CD109: variants seen among roughly 807,000 people sequenced by gnomAD.
CD109 encodes the protein CD109 molecule, also known as CD109 antigen.
In CD109, 149 loss-of-function variants were observed where a neutral mutation model predicts 165.8. The ratio of observed to expected loss-of-function variants is 0.90; its 90% confidence interval spans 0.79 to 1.03. The LOEUF is 1.03. CD109 is among the 50% of genes least tolerant of loss of function. The pLI is 0.00. For missense variants in CD109, 1,712 were observed against 1,677.8 expected (o/e 1.02, Z -0.36); for synonymous variants, 585 against 592.1 (o/e 0.99, Z 0.18).
chr6:73,717,656 G>T (rs1057321542), intron 2 of CD109, among the ~76,000 whole-genome samples: 1 of 113,140 alleles, frequency 8.8e-6, no homozygotes, highest in Non-Finnish European at 1.6e-5. Flanking sequence ...GTCTCGCTCT[G>T]TCACCCAGGC....
intron 5 of CD109, among the ~76,000 whole-genome samples, chr6:73,740,666 C>T (rs1201609201): frequency 6.8e-6 from 1 of 147,620 alleles, no homozygotes; most frequent in Non-Finnish European, 1.5e-5. Flanking sequence ...GATCTCGGCT[C>T]ACTGAAACCT....
At chr6:73,788,404 G>A (rs1774779758) in intron 21 of CD109, 64 bp from the exon 22 acceptor site, 1 of 1,457,620 alleles carries the variant, frequency 6.9e-7, no homozygotes, top group African/African-American at 1.4e-5. Context: ...GCTCATATCT[G>A]CGTATAGTTC....
At chr6:73,750,011 A>G (rs556899670) in intron 5 of CD109, among the ~76,000 whole-genome samples, 2 of 152,370 alleles carry the variant, frequency 1.3e-5, no homozygotes, top group African/African-American at 4.8e-5. Context: ...AATACCTTCA[A>G]TGTTAGCTTA....
intron 2 of CD109, among the ~76,000 whole-genome samples, chr6:73,713,955 G>C (rs980982715): frequency 6.6e-6 from 1 of 151,998 alleles, no homozygotes; most frequent in Non-Finnish European, 1.5e-5. Context: ...ATTTGCTGCC[G>C]GTGGGTGGTA....
At chr6:73,800,092 G>A (rs1301554464) in intron 23 of CD109, among the ~76,000 whole-genome samples, 1 of 152,030 alleles carries the variant, frequency 6.6e-6, no homozygotes, top group East Asian at 1.9e-4. Context: ...CTAGGCTCAA[G>A]TGATCCACTC....
chr6:73,792,688 G>A lies in CD109; in HGVS notation c.2764G>A (p.Gly922Ser). 4 of 1,613,162 alleles carry A rather than the reference G, an allele frequency of 2.5e-6. No individual in the cohort carries two copies. Among genetic ancestry groups the A allele is most frequent in the Non-Finnish European group, 2.5e-6 (3 of 1,179,894 alleles). Reference protein sequence around the residue: ...ASLIRMPYGCGEQNMINFAPN... With the variant: ...ASLIRMPYGCSEQNMINFAPN... ...ATTGATTCGGATGCCTTATGGCTGTGGTGAACAGAACATGATAAATTTTGC... is the reference window on the plus strand; with the variant it reads ...ATTGATTCGGATGCCTTATGGCTGTAGTGAACAGAACATGATAAATTTTGC... The change falls in exon 23 of 33, where the codon GGT becomes AGT. Residue 922 changes from glycine to serine, a missense_variant. Gly to Ser is a moderately conservative substitution (Grantham distance 56). Coordinates refer to ENST00000287097, the MANE Select transcript of CD109 (RefSeq NM_133493.5).
chr6:73,703,513 A>G (rs1018918616), intron 2 of CD109, among the ~76,000 whole-genome samples: 2 of 152,232 alleles, frequency 1.3e-5, no homozygotes, highest in African/African-American at 4.8e-5. Context: ...TATTGGTGGC[A>G]GAGCTGGAAA....
intron 4 of CD109, among the ~76,000 whole-genome samples, chr6:73,734,103 T>C (rs1772465015): frequency 6.6e-6 from 1 of 152,238 alleles, no homozygotes; most frequent in African/African-American, 2.4e-5. Flanking sequence ...ATCACCATGC[T>C]TGGCTGGTTC....
intron 5 of CD109, among the ~76,000 whole-genome samples, chr6:73,743,787 A>G (rs184066210): frequency 6.6e-6 from 1 of 152,376 alleles, no homozygotes; most frequent in Admixed American, 6.5e-5. Context: ...TCTCTCTGAA[A>G]TGTGGTTGTG....
At chr6:73,685,400 T>C in the CD109 span, among the ~76,000 whole-genome samples, 1 of 152,310 alleles carries the variant, frequency 6.6e-6, no homozygotes, top group African/African-American at 2.4e-5. Context: ...TTGTCTATTT[T>C]TGCTTTTGTT....
upstream of CD109, chr6:73,695,707 T>C (rs1014346828): frequency 6.2e-6 from 1 of 162,060 alleles, no homozygotes; most frequent in Non-Finnish European, 1.3e-5. Flanking sequence ...CGTGTGTGTG[T>C]GCGTGTGTGT....
chr6:73,753,128 G>A (rs574248885), intron 5 of CD109, among the ~76,000 whole-genome samples: 1 of 152,254 alleles, frequency 6.6e-6, no homozygotes, highest in South Asian at 2.1e-4. Context: ...TTGGAACATA[G>A]TCGTGCTCGT....
chr6:73,710,976 A>G (rs992050767), intron 2 of CD109, among the ~76,000 whole-genome samples: 1 of 152,182 alleles, frequency 6.6e-6, no homozygotes. Flanking sequence ...ATTTTTACTT[A>G]TCATGAAATA....
At chr6:73,691,458 G>C (rs1770687962), upstream of CD109, among the ~76,000 whole-genome samples, 1 of 152,108 alleles carries the variant, frequency 6.6e-6, no homozygotes, top group Non-Finnish European at 1.5e-5. Context: ...GTGGGTTCAG[G>C]GCCACAGTCA....
intron 26 of CD109, among the ~76,000 whole-genome samples, chr6:73,809,356 G>A (rs1220212101): frequency 1.3e-5 from 2 of 152,044 alleles, no homozygotes; most frequent in African/African-American, 4.8e-5. Flanking sequence ...TTTTCAATGT[G>A]TCTTAAAATA....
At chr6:73,710,262 A>G (rs981328458) in intron 2 of CD109, among the ~76,000 whole-genome samples, 2 of 152,214 alleles carry the variant, frequency 1.3e-5, no homozygotes, top group Admixed American at 6.5e-5. Context: ...TACAAAATCA[A>G]TGTGCAAAAA....
chr6:73,788,601 T>A lies in CD109; in HGVS notation c.2690T>A (p.Ile897Asn), dbSNP rs1313240950. The A allele has an allele frequency of 3.7e-6, 6 of 1,612,560 alleles. No individual in the cohort carries two copies. In the African/African-American group the frequency reaches 5.3e-5, roughly 14 times the overall value. ...NTVTGSERVQ[I>N]TAIGDVLGPS... ...GTGACTGGCAGTGAAAGAGTTCAGATCACTGCAATTGGTAAGAATAGAGTA... is the reference window on the plus strand; with the variant it reads ...GTGACTGGCAGTGAAAGAGTTCAGAACACTGCAATTGGTAAGAATAGAGTA... The change falls in exon 22 of 33, where the codon ATC becomes AAC. Residue 897 changes from isoleucine to asparagine, a missense_variant. By Grantham distance (149) the Ile-to-Asn change is moderately radical. Coordinates refer to ENST00000287097, the MANE Select transcript of CD109 (RefSeq NM_133493.5).
At chr6:73,748,812 A>C (rs1404565149) in intron 5 of CD109, among the ~76,000 whole-genome samples, 1 of 152,244 alleles carries the variant, frequency 6.6e-6, no homozygotes, top group Non-Finnish European at 1.5e-5. Flanking sequence ...AAGGGAAGGA[A>C]AGGATGATGT....
At position 73,789,751 on chromosome 6, in the gene CD109, C is replaced by T. The variant is rs1458247506; in HGVS notation, c.2701+1139C>T. Among the ~76,000 whole-genome samples the T allele has an allele frequency of 4.8e-5, 7 of 146,146 alleles. No homozygotes were observed. In the South Asian group the frequency reaches 6.4e-4, roughly 13 times the overall value. Reference sequence around the variant, plus strand: ...CTGGGATTACAGGCGTGAGCCACCGCGCCCGGCCTTTTTTTTTTTTTTTTC... The same window carrying T: ...CTGGGATTACAGGCGTGAGCCACCGTGCCCGGCCTTTTTTTTTTTTTTTTC... On this transcript the variant is annotated intron_variant, in intron 22 of 32. Coordinates refer to ENST00000287097, the MANE Select transcript of CD109 (RefSeq NM_133493.5).
Sources: gnomAD v4.1 joint callset for allele counts (sites outside exome capture counted in the v4.1 genomes callset) on GRCh38, gnomAD v4.1.1 for gene constraint, MANE v1.5 for transcripts, NCBI Gene and HGNC (gene_info 2026-07-23, HGNC 2026-07-21) for gene names.